The following BIN3 variants were observed in gnomAD, a reference collection of about 807,000 sequenced individuals.
The protein encoded by BIN3 is bridging integrator 3.
BIN3 carries 41 observed loss-of-function variants against 38.2 expected under a neutral mutation model. The ratio of observed to expected loss-of-function variants is 1.07; its 90% CI spans 0.84 to 1.39. BIN3 has a LOEUF of 1.39. BIN3 is among the 40% of genes most tolerant of loss of function. The pLI, the probability that BIN3 is intolerant of heterozygous loss-of-function variation, is 0.00. For missense variants in BIN3, 361 were observed against 324.3 expected (o/e 1.11, Z -0.87); for synonymous variants, 145 against 122.6 (o/e 1.18, Z -1.21).
chr8:22,632,287 G>A (rs771335499), intron 4 of BIN3, among the ~76,000 whole-genome samples: 31 of 152,230 alleles, frequency 2.0e-4, no homozygotes, highest in Non-Finnish European at 3.2e-4. Flanking sequence ...CGCTCCCCGG[G>A]GAAGGGTCTG....
chr8:22,667,075 C>T (rs546352588), intron 1 of BIN3, among the ~76,000 whole-genome samples: 4 of 152,264 alleles, frequency 2.6e-5, no homozygotes, highest in South Asian at 2.1e-4. Context: ...TCAGGGTCCA[C>T]GCAAGAGATG....
At chr8:22,638,178 C>T (rs995383890) in intron 2 of BIN3, among the ~76,000 whole-genome samples, 6 of 152,230 alleles carry the variant, frequency 3.9e-5, no homozygotes, top group Admixed American at 1.3e-4. Flanking sequence ...GTCAAAGCCA[C>T]GCTATTCCTA....
intron 2 of BIN3, among the ~76,000 whole-genome samples, chr8:22,643,509 TTGTTGCCCAGGC>T (rs1224706258): frequency 6.6e-6 from 1 of 152,212 alleles, no homozygotes; most frequent in Non-Finnish European, 1.5e-5. Flanking sequence ...GGGTCTCTCT[TTGTTGCCCAGGC>T]TGGTCTCAAA....
chr8:22,660,780 G>A (rs866883327), intron 1 of BIN3, among the ~76,000 whole-genome samples: 41 of 152,300 alleles, frequency 2.7e-4, no homozygotes, highest in South Asian at 2.1e-3. Context: ...AAATTCTAAC[G>A]AAGCCATGCT....
intron 1 of BIN3, among the ~76,000 whole-genome samples, chr8:22,656,758 A>C (rs751712440): frequency 3.3e-5 from 5 of 152,232 alleles, no homozygotes; most frequent in Non-Finnish European, 7.3e-5. Flanking sequence ...AGGTTTTTGA[A>C]TTCCACCAAT....
At chr8:22,663,650 T>C (rs1285143110) in intron 1 of BIN3, among the ~76,000 whole-genome samples, 1 of 152,106 alleles carries the variant, frequency 6.6e-6, no homozygotes, top group Non-Finnish European at 1.5e-5. Context: ...AAGCACTATA[T>C]AACGTGGCCC....
intron 4 of BIN3, among the ~76,000 whole-genome samples, chr8:22,633,312 A>G (rs1802267081): frequency 6.6e-6 from 1 of 152,120 alleles, no homozygotes; most frequent in South Asian, 2.1e-4. Flanking sequence ...CCCCCTCAAC[A>G]AAAATAAACA....
chr8:22,657,506 G>C (rs1803094089), intron 1 of BIN3, among the ~76,000 whole-genome samples: 1 of 152,226 alleles, frequency 6.6e-6, no homozygotes, highest in African/African-American at 2.4e-5. Flanking sequence ...GAGTACGATG[G>C]GTCAAGGGAA....
chr8:22,621,335 G>A lies in BIN3; in HGVS notation c.*87C>T, dbSNP rs965116144. The stretch of plus-strand genomic sequence containing the variant: ...TGAACCAGGGCCACCTCTGTCCCCA[G>A]CCTGTGAGAGGAGCAGCTAGCCCTG... On this transcript the variant is annotated 3_prime_UTR_variant, in exon 9 of 9. Coordinates refer to ENST00000276416, the MANE Select transcript of BIN3 (RefSeq NM_018688.6). 1.6e-5 allele frequency: 24 copies of A among 1,491,060 alleles called. 1 individual carries two copies. The South Asian group carries it at 2.0e-4, about 12-fold the overall frequency. The allele number at this position is 1,491,060 out of a possible 1,614,324, so 92.4% of individuals were successfully genotyped here.
At chr8:22,666,811 G>C (rs956626472) in intron 1 of BIN3, among the ~76,000 whole-genome samples, 1 of 152,200 alleles carries the variant, frequency 6.6e-6, no homozygotes, top group Admixed American at 6.5e-5. Context: ...TGATGGCTTG[G>C]CACAGCCCAT....
At chr8:22,663,670 G>A (rs1415764810) in intron 1 of BIN3, among the ~76,000 whole-genome samples, 1 of 152,110 alleles carries the variant, frequency 6.6e-6, no homozygotes, top group Non-Finnish European at 1.5e-5. Context: ...CTGAGGTGGA[G>A]TGCCAATTCT....
At chr8:22,626,972 C>T (rs910586476) in intron 6 of BIN3, among the ~76,000 whole-genome samples, 4 of 152,154 alleles carry the variant, frequency 2.6e-5, no homozygotes, top group African/African-American at 7.2e-5. Context: ...CGGGGGATGG[C>T]GTGGTGGTGT....
intron 1 of BIN3, among the ~76,000 whole-genome samples, chr8:22,646,677 G>T (rs1475894242): frequency 6.6e-6 from 1 of 152,142 alleles, no homozygotes; most frequent in Non-Finnish European, 1.5e-5. Context: ...ATAATAACCA[G>T]GGAGGAAAGG....
chr8:22,634,337 G>A (rs928427152), intron 4 of BIN3: 5 of 377,234 alleles, frequency 1.3e-5, no homozygotes, highest in Admixed American at 6.4e-5. Flanking sequence ...CCACGGCCCA[G>A]GAATTAGCAC....
chr8:22,665,631 C>G (rs183143445), intron 1 of BIN3, among the ~76,000 whole-genome samples: 18 of 152,028 alleles, frequency 1.2e-4, no homozygotes, highest in Non-Finnish European at 2.5e-4. Flanking sequence ...GCAGAAGGGA[C>G]AGTTATCCAG....
intron 4 of BIN3, among the ~76,000 whole-genome samples, chr8:22,633,554 A>G (rs778188911): frequency 6.6e-6 from 1 of 152,252 alleles, no homozygotes; most frequent in Non-Finnish European, 1.5e-5. Flanking sequence ...TGAAAGTAGT[A>G]TGAGTTTCTG....
intron 6 of BIN3, among the ~76,000 whole-genome samples, chr8:22,628,709 T>C (rs146123338): frequency 1.6e-3 from 245 of 152,324 alleles, no homozygotes; most frequent in African/African-American, 5.7e-3. Context: ...CTACCAGCCA[T>C]GGGTGCCTGT....
At chr8:22,665,922 C>G (rs1803402423) in intron 1 of BIN3, among the ~76,000 whole-genome samples, 1 of 152,172 alleles carries the variant, frequency 6.6e-6, no homozygotes, top group Non-Finnish European at 1.5e-5. Flanking sequence ...GGCAAATTGT[C>G]AGCAGGAATG....
At chr8:22,638,535 G>A (rs4872527) in intron 2 of BIN3, among the ~76,000 whole-genome samples, 38,620 of 152,178 alleles carry the variant, frequency 0.25, 5,512 homozygotes, top group Non-Finnish European at 0.32. Context: ...GGCCCTGGTG[G>A]TGGAGATAAA....
Sources: gnomAD v4.1 joint callset for allele counts (sites outside exome capture counted in the v4.1 genomes callset) on GRCh38, gnomAD v4.1.1 for gene constraint, MANE v1.5 for transcripts, NCBI Gene and HGNC (gene_info 2026-07-23, HGNC 2026-07-21) for gene names.